The following FER1L6 variants were observed in gnomAD, a reference collection of about 807,000 sequenced individuals.
FER1L6 encodes fer-1-like protein 6.
In FER1L6, 177 loss-of-function variants were observed where a neutral mutation model predicts 219.2. The ratio of observed to expected loss-of-function variants is 0.81; its 90% confidence interval spans 0.71 to 0.91. FER1L6 has a LOEUF of 0.91. Among genes scored for constraint, FER1L6 ranks in the 40% least tolerant of loss-of-function variants. FER1L6 has a pLI of 0.00. For missense variants in FER1L6, 2,153 were observed against 2,259.9 expected (o/e 0.95, Z 0.96); for synonymous variants, 768 against 824.3 (o/e 0.93, Z 1.17).
At chr8:123,991,398 T>C (rs959280677) in intron 12 of FER1L6, among the ~76,000 whole-genome samples, 1 of 152,214 alleles carries the variant, frequency 6.6e-6, no homozygotes, top group African/African-American at 2.4e-5. Flanking sequence ...GTTTTGTAGT[T>C]CTCCTTGCAG....
intron 36 of FER1L6, 64 bp from the exon 37 acceptor site, chr8:124,097,719 CCA>C: frequency 1.1e-6 from 1 of 889,912 alleles, no homozygotes; most frequent in Non-Finnish European, 1.9e-6. Context: ...AATGCTAGAA[CCA>C]CACAGACACC....
At chr8:123,950,757 T>A (rs1208563997) in intron 1 of FER1L6, among the ~76,000 whole-genome samples, 2 of 152,152 alleles carry the variant, frequency 1.3e-5, no homozygotes, top group Admixed American at 6.5e-5. Flanking sequence ...CACAATGAGA[T>A]AAAGGTTTCC....
intron 12 of FER1L6, among the ~76,000 whole-genome samples, chr8:124,000,527 T>A (rs183325317): frequency 1.3e-5 from 2 of 152,360 alleles, no homozygotes; most frequent in Admixed American, 1.3e-4. Context: ...TCAGACATAC[T>A]TGGATTCCTA....
intron 1 of FER1L6, among the ~76,000 whole-genome samples, chr8:123,904,224 T>TGTGTGTGTGTGTG (rs1812910195): frequency 3.6e-5 from 5 of 139,396 alleles, no homozygotes; most frequent in East Asian, 2.1e-4. Flanking sequence ...CTCTGTATAT[T>TGTGTGTGTGTGTG]TGTGTGTGTG....
intron 2 of FER1L6, among the ~76,000 whole-genome samples, chr8:123,956,432 C>T (rs1271249865): frequency 6.6e-6 from 1 of 152,226 alleles, no homozygotes; most frequent in Admixed American, 6.5e-5. Context: ...TCTCACACAG[C>T]TGTGGGGAAG....
At chr8:124,057,451 G>T (rs1586649198) in intron 22 of FER1L6, among the ~76,000 whole-genome samples, 2 of 152,112 alleles carry the variant, frequency 1.3e-5, no homozygotes, top group African/African-American at 4.8e-5. Context: ...GCACAGTTTT[G>T]TTTTCATCTT....
intron 24 of FER1L6, among the ~76,000 whole-genome samples, chr8:124,061,238 C>T (rs2130827689): frequency 6.6e-6 from 1 of 152,240 alleles, no homozygotes; most frequent in Non-Finnish European, 1.5e-5. Flanking sequence ...TTTTTGACAT[C>T]TGTGCTTTTA....
chr8:124,025,463 A>G (rs115188798), intron 18 of FER1L6, among the ~76,000 whole-genome samples: 3,871 of 152,096 alleles, frequency 0.025, 161 homozygotes, highest in African/African-American at 0.089. Context: ...GTTTTTGTAT[A>G]GTTTGCTGAA....
rs1296213687 is a variant in FER1L6, at chr8:123,863,848, T to C, written c.-8+11663T>C. Among the ~76,000 whole-genome samples, 281 of 151,140 alleles carry C rather than the reference T, an allele frequency of 1.9e-3. 8 individuals are homozygous for C. Among genetic ancestry groups the C allele is most frequent in the African/African-American group, 6.7e-3 (273 of 40,528 alleles). On this transcript the variant is annotated intron_variant, in intron 1 of 40. Transcript: ENST00000522917. ...CATTTGCTTGGTAGATCTTCCTCCA[T>C]CCTTTTATTTTGAGCCTATGTGTGT...
intron 12 of FER1L6, among the ~76,000 whole-genome samples, chr8:123,986,592 A>G (rs1330947409): frequency 6.6e-6 from 1 of 152,156 alleles, no homozygotes; most frequent in Non-Finnish European, 1.5e-5. Context: ...TTGTGCTATC[A>G]AATACTAGAT....
At chr8:123,923,941 G>GACA (rs1813462831) in intron 1 of FER1L6, among the ~76,000 whole-genome samples, 1 of 94,780 alleles carries the variant, frequency 1.1e-5, no homozygotes, top group Non-Finnish European at 2.2e-5. Context: ...CTCCAACTAA[G>GACA]AAAAAAAAAA....
chr8:124,048,580 T>C (rs1819841404), intron 21 of FER1L6, among the ~76,000 whole-genome samples: 1 of 152,262 alleles, frequency 6.6e-6, no homozygotes, highest in Non-Finnish European at 1.5e-5. Flanking sequence ...TATCCTTTTT[T>C]GCTACCAAGA....
chr8:124,027,695 G>A (rs1030757420), intron 18 of FER1L6, among the ~76,000 whole-genome samples: 2 of 152,148 alleles, frequency 1.3e-5, no homozygotes, highest in African/African-American at 4.8e-5. Context: ...GAATAGCTAG[G>A]TCGACAGGCA....
chr8:123,988,054 C>T (rs540529136), intron 12 of FER1L6, among the ~76,000 whole-genome samples: 304 of 151,944 alleles, frequency 2.0e-3, no homozygotes, highest in South Asian at 4.0e-3. Context: ...GCTGAGATTG[C>T]GCCACTGCAC....
chr8:124,086,553 C>T (rs934326588), intron 33 of FER1L6, among the ~76,000 whole-genome samples: 6 of 150,814 alleles, frequency 4.0e-5, no homozygotes, highest in African/African-American at 1.5e-4. Context: ...TATACTATGT[C>T]TTTAAAAGTT....
At chr8:124,017,548 A>G in intron 15 of FER1L6, 80 bp from the exon 16 acceptor site, 6 of 1,121,570 alleles carry the variant, frequency 5.3e-6, no homozygotes, top group Non-Finnish European at 8.0e-6. Flanking sequence ...GTATTGCAGA[A>G]ACAATATTTG....
intron 5 of FER1L6, among the ~76,000 whole-genome samples, chr8:123,967,905 G>A (rs759056864): frequency 6.6e-6 from 1 of 151,894 alleles, no homozygotes; most frequent in Non-Finnish European, 1.5e-5. Flanking sequence ...GCAGTGAGCC[G>A]AGATTTCGCA....
At chr8:123,864,433 T>C (rs1485367837) in intron 1 of FER1L6, among the ~76,000 whole-genome samples, 2 of 150,656 alleles carry the variant, frequency 1.3e-5, no homozygotes, top group Non-Finnish European at 2.9e-5. Context: ...ATTTCAACTT[T>C]GGTGAATCTG....
chr8:123,929,627 C>G (rs7838453), intron 1 of FER1L6, among the ~76,000 whole-genome samples: 31 of 151,810 alleles, frequency 2.0e-4, no homozygotes, highest in Non-Finnish European at 4.4e-4. Context: ...CTACTACTCT[C>G]CGCTGACTCT....
Sources: allele counts gnomAD v4.1 joint callset (sites outside exome capture counted in the v4.1 genomes callset), GRCh38; gene constraint gnomAD v4.1.1; transcripts MANE v1.5; gene names NCBI Gene and HGNC (gene_info 2026-07-23, HGNC 2026-07-21).